Variants in TOGARAM2 observed in about 807,000 individuals in gnomAD.
The protein encoded by TOGARAM2 is TOG array regulator of axonemal microtubules 2.
A neutral mutation model predicts 93.3 loss-of-function variants in TOGARAM2; 85 were observed. The observed-to-expected ratio is 0.91, with a 90% CI of 0.76 to 1.09. TOGARAM2 has a LOEUF of 1.09. Among genes scored for constraint, TOGARAM2 ranks in the 50% least tolerant of loss-of-function variants. The pLI is 0.00. For synonymous variants in TOGARAM2, 593 were observed against 552.8 expected, an observed-to-expected ratio of 1.07 and a Z score of -1.02; for missense variants, 1,277 against 1,334.5, an observed-to-expected ratio of 0.96 and a Z score of 0.67.
At chr2:29,025,393 AT>A (rs34100996) in intron 13 of TOGARAM2, among the ~76,000 whole-genome samples, 4 of 150,226 alleles carry the variant, frequency 2.7e-5, no homozygotes, top group East Asian at 1.9e-4. Context: ...AATGAATTGT[AT>A]TTTTTTTTTC....
chr2:28,988,068 G>A lies in TOGARAM2; in HGVS notation c.-111+6530G>A, dbSNP rs1173192985. Among the ~76,000 whole-genome samples the A allele has an allele frequency of 2.0e-5, 3 of 152,210 alleles. No individual in the cohort carries two copies. The South Asian group carries it at 6.2e-4, about 32-fold the overall frequency. On this transcript the variant is annotated intron_variant, in intron 1 of 19. Transcript: ENST00000379558. ...CAAGCTAATAAAGATGGACATGCAG[G>A]TGGAGCCATCCAGGCCTCCTTGCAG...
rs547732453 is a variant in TOGARAM2, at chr2:28,985,527, G to A, written c.-111+3989G>A. On this transcript the variant is annotated intron_variant, in intron 1 of 19. Transcript: ENST00000379558. ...AATTTAGTAACAGAAGAAAGGCATG[G>A]GAAATTCTGTTAAATTACTAGACCA... Among the ~76,000 whole-genome samples, 6 of 152,078 alleles carry A rather than the reference G, an allele frequency of 3.9e-5. No homozygotes were observed. In the East Asian group the frequency reaches 1.2e-3, roughly 29 times the overall value.
At chr2:29,014,606 C>T (rs767230914) in intron 8 of TOGARAM2, 45 bp downstream of exon 8, 87 of 1,543,172 alleles carry the variant, frequency 5.6e-5, no homozygotes, top group African/African-American at 1.1e-4. Context: ...TGGAGTGGAC[C>T]GCAGGCTGCA....
intron 18 of TOGARAM2, among the ~76,000 whole-genome samples, chr2:29,040,329 G>A (rs12473550): frequency 0.091 from 13,821 of 152,138 alleles, 705 homozygotes; most frequent in East Asian, 0.14. Context: ...TACTTATTTT[G>A]AATAAATGAA....
rs1196223294 is a variant in TOGARAM2 at position 28,983,198 on chromosome 2, A to ATATATATTT, written c.-111+1661_-111+1662insATATATTTT. ...TATAAATATATATATATATATATAT[A>ATATATATTT]TTTTTTTTTTTTTTTTTTTTTTTTT... is the stretch of plus-strand genomic sequence containing the variant. On this transcript the variant is annotated intron_variant, in intron 1 of 19. Coordinates refer to ENST00000379558, the MANE Select transcript of TOGARAM2 (RefSeq NM_199280.4). Among the ~76,000 whole-genome samples, 2 of 56,626 alleles carry ATATATATTT rather than the reference A, an allele frequency of 3.5e-5. 1 individual carries two copies. Among genetic ancestry groups the ATATATATTT allele is most frequent in the African/African-American group, 1.7e-4 (2 of 12,012 alleles). 37.1% of individuals were successfully genotyped at this position (56,626 alleles called of 152,430 possible). A position where few individuals can be genotyped will look rare whatever the true frequency, so the allele number is the denominator to read the frequency against.
intron 18 of TOGARAM2, among the ~76,000 whole-genome samples, chr2:29,040,856 T>C (rs1666391560): frequency 6.6e-6 from 1 of 152,140 alleles, no homozygotes; most frequent in African/African-American, 2.4e-5. Context: ...CGTGTCTCGT[T>C]TGTTGGCTTT....
chr2:28,970,439 G>A (rs990905168), intron 1 of TOGARAM2, among the ~76,000 whole-genome samples: 4 of 152,142 alleles, frequency 2.6e-5, no homozygotes, highest in East Asian at 3.9e-4. Flanking sequence ...TATATAAAGC[G>A]CTTAGACTGG....
chr2:28,992,557 C>T (rs915039838), intron 1 of TOGARAM2, among the ~76,000 whole-genome samples: 1 of 152,134 alleles, frequency 6.6e-6, no homozygotes, highest in Non-Finnish European at 1.5e-5. Context: ...AGGCCCACTG[C>T]AGTAGGGGTG....
chr2:29,005,412 CGTGTGTGA>C (rs1306027767), intron 6 of TOGARAM2, among the ~76,000 whole-genome samples: 6 of 140,724 alleles, frequency 4.3e-5, no homozygotes, highest in African/African-American at 1.4e-4. Context: ...TGTGTGTGTG[CGTGTGTGA>C]GAGCATGCAT....
chr2:29,006,092 T>TG (rs200864313), intron 6 of TOGARAM2, among the ~76,000 whole-genome samples: 4,753 of 70,272 alleles, frequency 0.068, 205 homozygotes, highest in East Asian at 0.21. Context: ...TGTGTGTGTG[T>TG]GGGGTGCATG....
upstream of TOGARAM2, among the ~76,000 whole-genome samples, chr2:28,980,149 G>A (rs753012787): frequency 1.4e-4 from 22 of 152,194 alleles, no homozygotes; most frequent in Admixed American, 1.0e-3. Flanking sequence ...AGTTCCGTTC[G>A]CCTTGTCAGC....
intron 18 of TOGARAM2, among the ~76,000 whole-genome samples, chr2:29,039,863 C>T (rs530707799): frequency 2.0e-4 from 31 of 152,326 alleles, no homozygotes; most frequent in Non-Finnish European, 3.4e-4. Flanking sequence ...GAAGAAACTT[C>T]GCTAATGAAA....
chr2:28,983,330 C>T (rs1321781548), intron 1 of TOGARAM2, among the ~76,000 whole-genome samples: 1 of 139,296 alleles, frequency 7.2e-6, no homozygotes, highest in Non-Finnish European at 1.6e-5. Context: ...CAGGTGTGAG[C>T]CACCACGCTG....
rs779220759 is a variant in TOGARAM2, at chr2:29,014,411, C to T, written c.894C>T (p.Ala298=). Residue 298 remains alanine (A), a synonymous_variant, in exon 8 of 20, where the codon GCC becomes GCT. Transcript: ENST00000379558. ...TPASLEPKPL[A]SPIRDRPAAA... is the part of the protein sequence containing the mutation. ...ACCCCTCAGAGCCAAAACCTTTGGC[C>T]TCACCCATCAGAGACAGGCCTGCCG... The T allele has an allele frequency of 4.3e-6, 7 of 1,610,464 alleles. No homozygotes were observed. Among genetic ancestry groups the T allele is most frequent in the South Asian group, 2.2e-5 (2 of 90,064 alleles).
chr2:29,051,096 T>TG (rs1667035759), intron 19 of TOGARAM2: 1 of 152,260 alleles, frequency 6.6e-6, no homozygotes, highest in African/African-American at 2.4e-5. Context: ...GCTTCTCCCC[T>TG]GCCAGCTGTC....
chr2:29,017,672 A>G (rs1428669345), intron 9 of TOGARAM2, 120 bp from the exon 10 acceptor site: 1 of 1,012,400 alleles, frequency 9.9e-7, no homozygotes, highest in African/African-American at 1.7e-5. Flanking sequence ...CGGACTCCCA[A>G]CATGTTGGGG....
At chr2:29,022,478 A>C (rs1665020829) in intron 11 of TOGARAM2, among the ~76,000 whole-genome samples, 170 bp downstream of exon 11, 1 of 152,108 alleles carries the variant, frequency 6.6e-6, no homozygotes, top group African/African-American at 2.4e-5. Flanking sequence ...ATGTGTGTTT[A>C]TGTGCGTGTG....
At chr2:29,004,582 CTGAG>C (rs1487127652) in intron 6 of TOGARAM2, among the ~76,000 whole-genome samples, 2 of 152,118 alleles carry the variant, frequency 1.3e-5, no homozygotes, top group Admixed American at 6.6e-5. Flanking sequence ...GTGAGTGTGT[CTGAG>C]TGTCTTTGTG....
intron 1 of TOGARAM2, among the ~76,000 whole-genome samples, chr2:28,968,845 G>T (rs7603874): frequency 1.8e-4 from 25 of 142,748 alleles, no homozygotes; most frequent in African/African-American, 6.4e-4. Flanking sequence ...AAAAAACAAG[G>T]AAAAAGAAAA....
Sources: allele counts gnomAD v4.1 joint callset (sites outside exome capture counted in the v4.1 genomes callset), GRCh38; gene constraint gnomAD v4.1.1; transcripts MANE v1.5; gene names NCBI Gene and HGNC (gene_info 2026-07-23, HGNC 2026-07-21).